Variants in TAF3 observed in about 807,000 individuals in gnomAD.
TAF3 encodes the protein transcription initiation factor TFIID subunit 3.
TAF3 carries 7 observed loss-of-function variants against 80.6 expected under a neutral mutation model. That is an observed-to-expected ratio of 0.09 (90% CI 0.05 to 0.16). The LOEUF is 0.16. TAF3 is among the 10% of genes least tolerant of loss of function. The probability of loss-of-function intolerance (pLI) is 1.00; values close to 1 mark genes in which losing one functional copy is unlikely to be tolerated. For synonymous variants in TAF3, 444 were observed against 446.1 expected, an observed-to-expected ratio of 1.00 and a Z score of 0.06; for missense variants, 921 against 1,140.2, an observed-to-expected ratio of 0.81 and a Z score of 2.77.
rs780295566 is a variant in TAF3, at chr10:7,824,459, A to G, written c.308A>G (p.Lys103Arg). The stretch of plus-strand genomic sequence containing the variant: ...CAAATTCCGTCATTTCCTGTTAGCA[A>G]GAACAATGTACTTCAGTTTCCTCAA... Reference protein sequence around the residue: ...PHQIPSFPVSKNNVLQFPQPG... With the variant: ...PHQIPSFPVSRNNVLQFPQPG... The change falls in exon 2 of 7, where the codon AAG (lysine) becomes AGG (arginine). Residue 103 changes from lysine (K) to arginine (R), a missense_variant. By Grantham distance (26) the Lys-to-Arg change is conservative. Coordinates refer to ENST00000344293, the MANE Select transcript of TAF3 (RefSeq NM_031923.4). The G allele has an allele frequency of 3.1e-6, 5 of 1,614,208 alleles. No homozygotes were observed. Among genetic ancestry groups the G allele is most frequent in the Admixed American group, 1.7e-5 (1 of 60,028 alleles).
chr10:7,982,455 G>C (rs1831734487), intron 4 of TAF3, among the ~76,000 whole-genome samples: 1 of 152,132 alleles, frequency 6.6e-6, no homozygotes. Flanking sequence ...CCGGAGTGCA[G>C]TGGTGTGATC....
intron 2 of TAF3, among the ~76,000 whole-genome samples, chr10:7,906,828 C>T (rs1482920306): frequency 2.0e-5 from 3 of 151,238 alleles, no homozygotes; most frequent in Non-Finnish European, 3.0e-5. Context: ...ACTGATCCTC[C>T]TGCCTTGGCC....
intron 5 of TAF3, among the ~76,000 whole-genome samples, chr10:8,012,723 T>G (rs1303871075): frequency 6.6e-6 from 1 of 152,236 alleles, no homozygotes; most frequent in East Asian, 1.9e-4. Flanking sequence ...TTTGCCTTTG[T>G]AGAGTTGCCT....
At chr10:7,973,655 G>A (rs1380260113) in intron 3 of TAF3, among the ~76,000 whole-genome samples, 1 of 152,128 alleles carries the variant, frequency 6.6e-6, no homozygotes, top group Non-Finnish European at 1.5e-5. Context: ...AGCACATTGG[G>A]AATATAACCA....
chr10:7,976,734 G>T (rs554638491), intron 3 of TAF3, among the ~76,000 whole-genome samples: 1 of 151,956 alleles, frequency 6.6e-6, no homozygotes, highest in East Asian at 1.9e-4. Flanking sequence ...ATTTCAGATT[G>T]TTTTACCCCT....
chr10:7,984,866 C>T (rs572455140), intron 4 of TAF3, among the ~76,000 whole-genome samples: 16 of 152,256 alleles, frequency 1.1e-4, no homozygotes, highest in South Asian at 1.0e-3. Flanking sequence ...TATAATTTCT[C>T]CTAAAGATCA....
intron 2 of TAF3, among the ~76,000 whole-genome samples, chr10:7,957,097 A>G (rs1246013137): frequency 2.6e-5 from 4 of 152,200 alleles, no homozygotes; most frequent in Non-Finnish European, 5.9e-5. Flanking sequence ...ATCACTATCA[A>G]CTTTAACCAA....
chr10:7,856,621 C>T (rs1458746852), intron 2 of TAF3, among the ~76,000 whole-genome samples: 1 of 152,074 alleles, frequency 6.6e-6, no homozygotes, highest in Non-Finnish European at 1.5e-5. Context: ...CACTGAGGAC[C>T]AATAAAGCCA....
intron 2 of TAF3, among the ~76,000 whole-genome samples, chr10:7,953,056 T>A (rs1481679725): frequency 1.3e-5 from 2 of 152,156 alleles, no homozygotes; most frequent in African/African-American, 4.8e-5. Flanking sequence ...ATTTCCTGAC[T>A]GCCCCAGCCT....
Position 7,842,160 on chromosome 10 carries a change from TTTTGTTTTTTTTTTTG to T in TAF3, c.409+17604_409+17619del, listed in dbSNP as rs1564345297. On this transcript the variant is annotated intron_variant, in intron 2 of 6. Coordinates refer to ENST00000344293, the MANE Select transcript of TAF3 (RefSeq NM_031923.4). Reference sequence around the variant, plus strand: ...ATATTGAATTAATATTGTTTTTTTTTTTTGTTTTTTTTTTTGTTTTTTTTTTTTTTTGAGACAGAGT... The same window carrying T: ...ATATTGAATTAATATTGTTTTTTTTTTTTTTTTTTTTTTTTGAGACAGAGT... Among the ~76,000 whole-genome samples the T allele has an allele frequency of 1.4e-3, 144 of 100,370 alleles. 3 individuals are homozygous for T. The highest frequency in any genetic ancestry group is 1.9e-3 in the Non-Finnish European group (88 of 47,242). The allele number at this position is 100,370 out of a possible 152,430, so 65.8% of individuals were successfully genotyped here.
intron 3 of TAF3, among the ~76,000 whole-genome samples, chr10:7,974,809 C>G (rs1564375248): frequency 1.3e-5 from 2 of 152,124 alleles, no homozygotes; most frequent in Non-Finnish European, 2.9e-5. Context: ...GGCACAGTGG[C>G]TCACACCCGT....
intron 2 of TAF3, among the ~76,000 whole-genome samples, chr10:7,866,802 G>A (rs964442114): frequency 6.6e-6 from 1 of 152,162 alleles, no homozygotes; most frequent in African/African-American, 2.4e-5. Context: ...GACGCATCAG[G>A]TTAAATAAAG....
intron 1 of TAF3, among the ~76,000 whole-genome samples, chr10:7,821,848 T>TTGAGC (rs1836693588): frequency 6.6e-6 from 1 of 152,174 alleles, no homozygotes; most frequent in Non-Finnish European, 1.5e-5. Flanking sequence ...AAGATTTGAG[T>TTGAGC]TGAGCTGTGA....
At chr10:7,846,033 A>G (rs866173184) in intron 2 of TAF3, among the ~76,000 whole-genome samples, 9 of 144,790 alleles carry the variant, frequency 6.2e-5, no homozygotes. Context: ...ATCTCGGCTC[A>G]CTGCAAGCTC....
At chr10:7,958,639 G>A (rs1483359628) in intron 2 of TAF3, among the ~76,000 whole-genome samples, 1 of 152,164 alleles carries the variant, frequency 6.6e-6, no homozygotes, top group African/African-American at 2.4e-5. Flanking sequence ...AGAAAGCAGG[G>A]GTGGATGGGA....
At chr10:8,011,640 C>G (rs918331236) in intron 5 of TAF3, among the ~76,000 whole-genome samples, 1 of 152,170 alleles carries the variant, frequency 6.6e-6, no homozygotes, top group Non-Finnish European at 1.5e-5. Context: ...TCAAATTGGT[C>G]CATTCGGGGA....
chr10:7,829,669 C>T (rs1836779084), intron 2 of TAF3, among the ~76,000 whole-genome samples: 1 of 152,158 alleles, frequency 6.6e-6, no homozygotes, highest in Non-Finnish European at 1.5e-5. Context: ...CATAATTTAT[C>T]ACTGTTGATA....
intron 2 of TAF3, among the ~76,000 whole-genome samples, chr10:7,870,290 A>G (rs948804809): frequency 1.3e-5 from 2 of 152,222 alleles, no homozygotes; most frequent in African/African-American, 4.8e-5. Context: ...GAACTACTGT[A>G]TATTAGAAAC....
At chr10:7,914,862 A>G (rs559248558) in intron 2 of TAF3, among the ~76,000 whole-genome samples, 39 of 149,906 alleles carry the variant, frequency 2.6e-4, no homozygotes, top group East Asian at 1.6e-3. Flanking sequence ...TTTTCCTTGT[A>G]TATGATAAAC....
Sources: allele counts gnomAD v4.1 joint callset (sites outside exome capture counted in the v4.1 genomes callset), GRCh38; gene constraint gnomAD v4.1.1; transcripts MANE v1.5; gene names NCBI Gene and HGNC (gene_info 2026-07-23, HGNC 2026-07-21).